DTNB: variants seen among roughly 807,000 people sequenced by gnomAD.
DTNB encodes the protein DTN-B.
DTNB carries 63 observed loss-of-function variants against 90.7 expected under a neutral mutation model. The observed-to-expected ratio is 0.69, with a 90% CI of 0.57 to 0.86. The LOEUF (loss-of-function observed/expected upper bound fraction) is 0.86, where lower values mean the gene tolerates loss of function less well. Among genes scored for constraint, DTNB ranks in the 40% least tolerant of loss-of-function variants. The pLI, the probability that DTNB is intolerant of heterozygous loss-of-function variation, is 0.00. For synonymous variants in DTNB, 277 were observed against 286.7 expected (o/e 0.97, Z 0.34); for missense variants, 744 against 807.1 (o/e 0.92, Z 0.95).
chr2:25,517,995 C>T (rs755426732), intron 9 of DTNB, among the ~76,000 whole-genome samples: 2 of 152,126 alleles, frequency 1.3e-5, no homozygotes, highest in Non-Finnish European at 2.9e-5. Flanking sequence ...ATTCCACTCA[C>T]ATGAGGTATG....
intron 5 of DTNB, among the ~76,000 whole-genome samples, chr2:25,601,929 C>A (rs1319344743): frequency 7.2e-5 from 11 of 152,070 alleles, no homozygotes; most frequent in African/African-American, 2.7e-4. Flanking sequence ...CAAGACCAGC[C>A]TGTCCAACAT....
chr2:25,455,815 T>C (rs1231778952), intron 10 of DTNB, among the ~76,000 whole-genome samples: 4 of 152,248 alleles, frequency 2.6e-5, no homozygotes, highest in Non-Finnish European at 5.9e-5. Flanking sequence ...TCTGTGATGA[T>C]GCACTTTTTA....
intron 10 of DTNB, among the ~76,000 whole-genome samples, chr2:25,461,717 C>T (rs941389075): frequency 2.0e-5 from 3 of 152,164 alleles, no homozygotes; most frequent in African/African-American, 4.8e-5. Context: ...GTAAACAAAA[C>T]CCAGACATGG....
In DTNB at chr2:25,641,367, A is replaced by G. The variant is rs184583397; in HGVS notation, c.68-2273T>C. On this transcript the variant is annotated intron_variant, in intron 2 of 20. Transcript: ENST00000406818. ...TACTAATCAGATTCTAAAACCTCCCATATGTCTGCCTTTTTCTGGAGCAAT... is the reference window on the plus strand; with the variant it reads ...TACTAATCAGATTCTAAAACCTCCCGTATGTCTGCCTTTTTCTGGAGCAAT... 1.3e-5 allele frequency among the ~76,000 whole-genome samples: 2 copies of G among 152,304 alleles called. 1 individual carries two copies. The highest frequency in any genetic ancestry group is 1.3e-4 in the Admixed American group (2 of 15,292).
In DTNB at chr2:25,630,585, C is replaced by T. The variant is rs111847362; in HGVS notation, c.149-2201G>A. Among the ~76,000 whole-genome samples the T allele has an allele frequency of 3.0e-3, 456 of 152,272 alleles. 2 individuals are homozygous for T. Among genetic ancestry groups the T allele is most frequent in the African/African-American group, 0.01 (434 of 41,538 alleles). On this transcript the variant is annotated intron_variant, in intron 3 of 20. Coordinates refer to ENST00000406818, the MANE Select transcript of DTNB (RefSeq NM_021907.5). Reference sequence around the variant, plus strand: ...CAGGCACGGTGACGGTGGCTCATGCCTGTAATCCCAGCACTTTGGGAGGCC... The same window carrying T: ...CAGGCACGGTGACGGTGGCTCATGCTTGTAATCCCAGCACTTTGGGAGGCC...
intron 1 of DTNB, among the ~76,000 whole-genome samples, chr2:25,672,486 C>CTA (rs2086245566): frequency 6.6e-6 from 1 of 152,108 alleles, no homozygotes; most frequent in Non-Finnish European, 1.5e-5. Flanking sequence ...TTTTCCCCAT[C>CTA]TAAGAGCCCC....
At chr2:25,473,285 T>C (rs1369537676) in intron 10 of DTNB, among the ~76,000 whole-genome samples, 2 of 152,192 alleles carry the variant, frequency 1.3e-5, no homozygotes, top group African/African-American at 2.4e-5. Flanking sequence ...TGGTTAAACA[T>C]AGTAGGTCTA....
intron 10 of DTNB, among the ~76,000 whole-genome samples, chr2:25,457,174 T>C (rs1209846289): frequency 6.6e-6 from 1 of 152,056 alleles, no homozygotes; most frequent in East Asian, 1.9e-4. Flanking sequence ...CACGCCCAGC[T>C]AATTTTTGTA....
intron 1 of DTNB, among the ~76,000 whole-genome samples, chr2:25,660,264 G>C (rs1434363471): frequency 6.6e-6 from 1 of 152,216 alleles, no homozygotes; most frequent in Non-Finnish European, 1.5e-5. Flanking sequence ...ATGAAGTACT[G>C]AAGCATGCTA....
chr2:25,384,485 C>T (rs2038898302), intron 18 of DTNB, among the ~76,000 whole-genome samples: 2 of 152,006 alleles, frequency 1.3e-5, no homozygotes, highest in African/African-American at 4.8e-5. Flanking sequence ...GGGTGCTGGG[C>T]CCTGGGCATG....
intron 19 of DTNB, chr2:25,379,702 T>C: frequency 4.6e-6 from 1 of 218,036 alleles, no homozygotes; most frequent in Non-Finnish European, 9.0e-6. Context: ...GATGGTCTGC[T>C]TTGAAAAGCC....
chr2:25,665,766 CTT>C (rs1328155496), intron 1 of DTNB, among the ~76,000 whole-genome samples: 1 of 137,594 alleles, frequency 7.3e-6, no homozygotes, highest in African/African-American at 2.7e-5. Context: ...TTTCTCTTCT[CTT>C]TCAGATTTAA....
chr2:25,534,002 A>T lies in DTNB; in HGVS notation c.877-2405T>A, dbSNP rs574277724. Among the ~76,000 whole-genome samples, 635 of 139,444 alleles carry T rather than the reference A, an allele frequency of 4.6e-3. 4 individuals are homozygous for T. The highest frequency in any genetic ancestry group is 0.016 in the African/African-American group (591 of 36,412). The allele number at this position is 139,444 out of a possible 152,430, so 91.5% of individuals were successfully genotyped here. ...AAATGCAGCGTTTATTTTTTTTTTAATTTTTTTTTAAGTATTTATTGATCA... is the reference window on the plus strand; with the variant it reads ...AAATGCAGCGTTTATTTTTTTTTTATTTTTTTTTTAAGTATTTATTGATCA... On this transcript the variant is annotated intron_variant, in intron 8 of 20. Transcript: ENST00000406818.
intron 3 of DTNB, among the ~76,000 whole-genome samples, chr2:25,629,981 C>A (rs1270434450): frequency 3.3e-5 from 5 of 152,038 alleles, no homozygotes. Context: ...TATTTGTAAA[C>A]CATGCATCCA....
chr2:25,567,536 A>C (rs1200082744), intron 8 of DTNB, among the ~76,000 whole-genome samples: 1 of 152,206 alleles, frequency 6.6e-6, no homozygotes, highest in Non-Finnish European at 1.5e-5. Context: ...GAAATCCAAA[A>C]TACTTCCTCA....
intron 10 of DTNB, among the ~76,000 whole-genome samples, chr2:25,459,966 C>T (rs1360030606): frequency 1.3e-5 from 2 of 152,098 alleles, no homozygotes; most frequent in African/African-American, 2.4e-5. Flanking sequence ...AAAGATATTT[C>T]CTCTCTAGAA....
chr2:25,448,189 T>C (rs192027613), intron 12 of DTNB, among the ~76,000 whole-genome samples: 3 of 152,336 alleles, frequency 2.0e-5, no homozygotes, highest in African/African-American at 7.2e-5. Context: ...TGTAGTTATG[T>C]TTAGTAGTGT....
At chr2:25,436,008 T>C (rs1260804829) in intron 12 of DTNB, among the ~76,000 whole-genome samples, 1 of 152,204 alleles carries the variant, frequency 6.6e-6, no homozygotes, top group African/African-American at 2.4e-5. Flanking sequence ...GATTTGCATA[T>C]CCACTGATAT....
At chr2:25,410,960 C>T (rs2046443909) in intron 16 of DTNB, among the ~76,000 whole-genome samples, 1 of 146,644 alleles carries the variant, frequency 6.8e-6, no homozygotes, top group Non-Finnish European at 1.5e-5. Flanking sequence ...TTTAAACCCA[C>T]TGTAACTGCT....
Sources: gnomAD v4.1 joint callset for allele counts (sites outside exome capture counted in the v4.1 genomes callset) on GRCh38, gnomAD v4.1.1 for gene constraint, MANE v1.5 for transcripts, NCBI Gene and HGNC (gene_info 2026-07-23, HGNC 2026-07-21) for gene names.